Variants in DAP observed in about 807,000 individuals in gnomAD.
DAP encodes death-associated protein 1.
A neutral mutation model predicts 13.8 loss-of-function variants in DAP; 8 were observed. That is an observed-to-expected ratio of 0.58 (90% confidence interval 0.34 to 1.05). DAP has a LOEUF of 1.05. Among genes scored for constraint, DAP ranks in the 50% least tolerant of loss-of-function variants. The pLI is 0.03. For synonymous variants in DAP, 47 were observed against 47.5 expected (o/e 0.99, Z 0.04); for missense variants, 106 against 133.2 (o/e 0.80, Z 1.01).
intron 1 of DAP, among the ~76,000 whole-genome samples, chr5:10,758,500 A>G (rs556899335): frequency 9.5e-4 from 145 of 152,290 alleles, no homozygotes; most frequent in African/African-American, 3.3e-3. Context: ...GACAGATGAC[A>G]GATGGTGACA....
At chr5:10,686,208 T>G (rs1414264651) in intron 2 of DAP, among the ~76,000 whole-genome samples, 2 of 152,246 alleles carry the variant, frequency 1.3e-5, no homozygotes, top group African/African-American at 2.4e-5. Context: ...TGACCAGCCA[T>G]TCCCTGTCTC....
At chr5:10,736,905 C>G (rs1357259137) in intron 2 of DAP, among the ~76,000 whole-genome samples, 1 of 152,262 alleles carries the variant, frequency 6.6e-6, no homozygotes, top group Non-Finnish European at 1.5e-5. Flanking sequence ...CCCCCTCAAA[C>G]AGACACTACA....
rs913426716 is a variant in DAP at position 10,680,212 on chromosome 5, C to T, written c.*844G>A. ...ATCTGGTCTTTCCAAGCTTTCAACT[C>T]TCTGGCTCAAGTGTCCCAGAATGAA... On this transcript the variant is annotated 3_prime_UTR_variant, in exon 4 of 4. Transcript: ENST00000230895. 2 of 157,266 alleles carry T rather than the reference C, an allele frequency of 1.3e-5. No homozygotes were observed. Among genetic ancestry groups the T allele is most frequent in the Non-Finnish European group, 2.8e-5 (2 of 71,326 alleles). 9.7% of individuals were successfully genotyped at this position (157,266 alleles called of 1,614,324 possible). A position where few individuals can be genotyped will look rare whatever the true frequency, so the allele number is the denominator to read the frequency against.
chr5:10,743,771 G>A (rs1739828508), intron 2 of DAP, among the ~76,000 whole-genome samples: 1 of 152,168 alleles, frequency 6.6e-6, no homozygotes, highest in East Asian at 1.9e-4. Context: ...ATGGAATCAA[G>A]CAGCCACGCA....
intron 2 of DAP, among the ~76,000 whole-genome samples, chr5:10,745,638 C>T (rs945249322): frequency 6.6e-6 from 1 of 152,152 alleles, no homozygotes; most frequent in Non-Finnish European, 1.5e-5. Context: ...AGAAAGAAAA[C>T]TAGTGGGCTG....
chr5:10,730,875 G>A (rs2126666596), intron 2 of DAP, among the ~76,000 whole-genome samples: 1 of 124,038 alleles, frequency 8.1e-6, no homozygotes, highest in Non-Finnish European at 1.7e-5. Flanking sequence ...GCCCTGGTGG[G>A]GGGAATCTTT....
At position 10,723,138 on chromosome 5, in the gene DAP, T is replaced by G. The variant is rs79433164; in HGVS notation, c.152+25037A>C. On this transcript the variant is annotated intron_variant, in intron 2 of 3. Coordinates refer to ENST00000230895, the MANE Select transcript of DAP (RefSeq NM_004394.3). Reference sequence around the variant, plus strand: ...TCCCTCTTGCCATCACAGTCTCCTCTAAAAGAGTAAGCAACTAAAAAAGAA... The same window carrying G: ...TCCCTCTTGCCATCACAGTCTCCTCGAAAAGAGTAAGCAACTAAAAAAGAA... Among the ~76,000 whole-genome samples the G allele has an allele frequency of 2.3e-3, 350 of 152,292 alleles. 1 individual carries two copies. Among genetic ancestry groups the G allele is most frequent in the Non-Finnish European group, 4.0e-3 (272 of 68,022 alleles).
chr5:10,752,366 A>T (rs1740067571), intron 1 of DAP, among the ~76,000 whole-genome samples: 1 of 152,264 alleles, frequency 6.6e-6, no homozygotes, highest in Non-Finnish European at 1.5e-5. Flanking sequence ...ATGACAGCAC[A>T]TATTTATTGT....
At chr5:10,738,353 A>C (rs1278617497) in intron 2 of DAP, among the ~76,000 whole-genome samples, 2 of 152,274 alleles carry the variant, frequency 1.3e-5, no homozygotes, top group Non-Finnish European at 2.9e-5. Flanking sequence ...CAAAGGGTAA[A>C]ATAGTAAATT....
chr5:10,728,104 T>A (rs1473815085), intron 2 of DAP, among the ~76,000 whole-genome samples: 1 of 152,226 alleles, frequency 6.6e-6, no homozygotes, highest in Non-Finnish European at 1.5e-5. Flanking sequence ...AGGCTGACTG[T>A]CTATGATTAA....
At chr5:10,693,734 T>C (rs916421776) in intron 2 of DAP, among the ~76,000 whole-genome samples, 4 of 151,632 alleles carry the variant, frequency 2.6e-5, no homozygotes, top group African/African-American at 9.7e-5. Flanking sequence ...CTTCTGTATA[T>C]GATTTAGAGA....
chr5:10,681,214 G>A, intron 3 of DAP, 45 bp from the exon 4 acceptor site: 3 of 1,423,800 alleles, frequency 2.1e-6, no homozygotes, highest in Non-Finnish European at 2.8e-6. Context: ...TAGGAAGCAT[G>A]GGGTTTGTGG....
At position 10,742,588 on chromosome 5, in the gene DAP, C is replaced by T. The variant is rs189442844; in HGVS notation, c.152+5587G>A. Among the ~76,000 whole-genome samples the T allele has an allele frequency of 5.9e-5, 9 of 152,242 alleles. No homozygotes were observed. The East Asian group carries it at 1.5e-3, about 26-fold the overall frequency. ...TGTTGCAAATTATTCCAGCTAAGGC[C>T]ATAAGGAGATTCTTCAGGTGGGCTT... is the stretch of plus-strand genomic sequence containing the variant. On this transcript the variant is annotated intron_variant, in intron 2 of 3. Coordinates refer to ENST00000230895, the MANE Select transcript of DAP (RefSeq NM_004394.3).
intron 2 of DAP, among the ~76,000 whole-genome samples, chr5:10,710,213 C>G (rs1266711195): frequency 2.0e-5 from 3 of 152,218 alleles, no homozygotes; most frequent in Non-Finnish European, 4.4e-5. Flanking sequence ...CTTCTGAGGG[C>G]CTGCTTTTGG....
chr5:10,729,539 T>C (rs777423385), intron 2 of DAP, among the ~76,000 whole-genome samples: 10 of 152,356 alleles, frequency 6.6e-5, no homozygotes, highest in Non-Finnish European at 8.8e-5. Context: ...CTGACTTAGA[T>C]AAATTCAAAG....
rs1368847977 is a variant in DAP, at chr5:10,680,287, A to T, written c.*769T>A. 5.4e-6 allele frequency: 1 copy of T among 183,960 alleles called. No homozygotes were observed. The highest frequency in any genetic ancestry group is 1.1e-5 in the Non-Finnish European group (1 of 87,938). 11.4% of individuals were successfully genotyped at this position (183,960 alleles called of 1,614,324 possible). A position where few individuals can be genotyped will look rare whatever the true frequency, so the allele number is the denominator to read the frequency against. On this transcript the variant is annotated 3_prime_UTR_variant, in exon 4 of 4. Transcript: ENST00000230895. ...GTCCGTGGTCACTTCCAGAACTCTG[A>T]AGTGGCTCAGGAGGTGACTCCTGAA... is the stretch of plus-strand genomic sequence containing the variant.
At chr5:10,711,191 G>A (rs5745235) in intron 2 of DAP, among the ~76,000 whole-genome samples, 6,499 of 152,334 alleles carry the variant, frequency 0.043, 197 homozygotes, top group South Asian at 0.08. Flanking sequence ...TACACAGCAA[G>A]GGGAAGGTAG....
At chr5:10,693,567 C>T (rs1017552021) in intron 2 of DAP, among the ~76,000 whole-genome samples, 2 of 152,218 alleles carry the variant, frequency 1.3e-5, no homozygotes, top group African/African-American at 4.8e-5. Flanking sequence ...CTGTCCATTT[C>T]ACAGATTGGA....
chr5:10,695,572 C>A (rs887432042), intron 2 of DAP, among the ~76,000 whole-genome samples: 1 of 152,222 alleles, frequency 6.6e-6, no homozygotes, highest in African/African-American at 2.4e-5. Context: ...ATTGGTCTAA[C>A]AGCACCTTCT....
Sources: gnomAD v4.1 joint callset for allele counts (sites outside exome capture counted in the v4.1 genomes callset) on GRCh38, gnomAD v4.1.1 for gene constraint, MANE v1.5 for transcripts, NCBI Gene and HGNC (gene_info 2026-07-23, HGNC 2026-07-21) for gene names.